The following NTRK3 variants were observed in gnomAD, a reference collection of about 807,000 sequenced individuals.
NTRK3 encodes the protein NT-3 growth factor receptor.
NTRK3 carries 24 observed loss-of-function variants against 91.7 expected under a neutral mutation model. That is an observed-to-expected ratio of 0.26 (90% confidence interval 0.19 to 0.37). The LOEUF (loss-of-function observed/expected upper bound fraction) is 0.37. Among genes scored for constraint, NTRK3 ranks in the 10% least tolerant of loss-of-function variants. The pLI, the probability that NTRK3 is intolerant of heterozygous loss-of-function variation, is 1.00. For synonymous variants in NTRK3, 483 were observed against 404.0 expected, an observed-to-expected ratio of 1.20 and a Z score of -2.34; for missense variants, 880 against 1,068.9, an observed-to-expected ratio of 0.82 and a Z score of 2.46.
chr15:88,087,765 C>A (rs2048639512), intron 13 of NTRK3, among the ~76,000 whole-genome samples: 1 of 152,182 alleles, frequency 6.6e-6, no homozygotes, highest in Non-Finnish European at 1.5e-5. Context: ...ATACTTCCAG[C>A]TGGCTGGGTG....
At chr15:88,211,893 T>C (rs1030356654) in intron 3 of NTRK3, among the ~76,000 whole-genome samples, 1 of 152,256 alleles carries the variant, frequency 6.6e-6, no homozygotes, top group Admixed American at 6.5e-5. Flanking sequence ...ATGAGTGGTT[T>C]TGTTTTTTCT....
intron 5 of NTRK3, among the ~76,000 whole-genome samples, chr15:88,162,385 G>T (rs564510469): frequency 2.0e-5 from 3 of 152,240 alleles, no homozygotes; most frequent in Admixed American, 6.5e-5. Context: ...AATTAATATT[G>T]CCAGTAAGGA....
intron 17 of NTRK3, among the ~76,000 whole-genome samples, chr15:87,915,443 A>G (rs189676387): frequency 6.6e-6 from 1 of 152,358 alleles, no homozygotes; most frequent in Non-Finnish European, 1.5e-5. Flanking sequence ...AGTTACAAAA[A>G]TTAGCTCCTG....
intron 14 of NTRK3, among the ~76,000 whole-genome samples, chr15:88,010,213 T>G (rs2076776797): frequency 6.6e-6 from 1 of 152,182 alleles, no homozygotes; most frequent in Non-Finnish European, 1.5e-5. Context: ...CTCTGTCTAC[T>G]CCTTCAGCCT....
intron 17 of NTRK3, among the ~76,000 whole-genome samples, chr15:87,906,654 A>T (rs1331344488): frequency 1.3e-5 from 2 of 152,218 alleles, no homozygotes; most frequent in Non-Finnish European, 2.9e-5. Flanking sequence ...TAGCTGAGTC[A>T]TGAAAGCCCT....
rs182887247 is a variant in NTRK3 at position 88,124,389 on chromosome 15, G to A, written c.1396+1882C>T. On this transcript the variant is annotated intron_variant, in intron 13 of 18. Coordinates refer to ENST00000394480, the Ensembl canonical transcript of NTRK3. ...ACCCTGGGTGCTGCCTAATCCATCCGACATGGGGACATGCTGTTCCAGAAA... is the reference window on the plus strand; with the variant it reads ...ACCCTGGGTGCTGCCTAATCCATCCAACATGGGGACATGCTGTTCCAGAAA... Among the ~76,000 whole-genome samples, 10 of 152,284 alleles carry A rather than the reference G, an allele frequency of 6.6e-5. No individual in the cohort carries two copies. The East Asian group carries it at 1.4e-3, about 21-fold the overall frequency.
chr15:88,248,067 G>A (rs2053010002), intron 3 of NTRK3, among the ~76,000 whole-genome samples: 1 of 152,210 alleles, frequency 6.6e-6, no homozygotes, highest in South Asian at 2.1e-4. Flanking sequence ...CGCTGGCCAT[G>A]AGCACCAGGG....
At chr15:88,071,984 C>A (rs2047123790) in intron 13 of NTRK3, among the ~76,000 whole-genome samples, 1 of 151,774 alleles carries the variant, frequency 6.6e-6, no homozygotes, top group East Asian at 1.9e-4. Context: ...TTCTCACAGA[C>A]CCCAGGCAAA....
In NTRK3 at chr15:87,949,998, C is replaced by T. The variant is rs1008540379; in HGVS notation, c.1586-9245G>A. Among the ~76,000 whole-genome samples, 7 of 152,186 alleles carry T rather than the reference C, an allele frequency of 4.6e-5. No homozygotes were observed. In the South Asian group the frequency reaches 8.3e-4, roughly 18 times the overall value. ...CTTCAAAGTGCCCATATGAGGGTCA[C>T]ATCCCACCTCTCAATCTCCCCAGAG... is the stretch of plus-strand genomic sequence containing the variant. On this transcript the variant is annotated intron_variant, in intron 14 of 18. Coordinates refer to ENST00000394480, the Ensembl canonical transcript of NTRK3.
chr15:88,106,704 GA>G (rs200712012), intron 13 of NTRK3, among the ~76,000 whole-genome samples: 5,501 of 152,154 alleles, frequency 0.036, 341 homozygotes, highest in African/African-American at 0.13. Flanking sequence ...GGCCAAGGGG[GA>G]ACGGATCATG....
intron 5 of NTRK3, among the ~76,000 whole-genome samples, chr15:88,157,313 C>T (rs1277353271): frequency 1.3e-5 from 2 of 152,028 alleles, no homozygotes; most frequent in Non-Finnish European, 2.9e-5. Context: ...CTCCGTCTGG[C>T]TCCACCAAGA....
At chr15:88,035,190 C>T (rs533499578) in intron 13 of NTRK3, among the ~76,000 whole-genome samples, 1 of 152,158 alleles carries the variant, frequency 6.6e-6, no homozygotes, top group African/African-American at 2.4e-5. Context: ...GGAATATTTG[C>T]AGGCAGCCAG....
chr15:88,236,540 T>C (rs1598108457), intron 3 of NTRK3, among the ~76,000 whole-genome samples: 1 of 103,260 alleles, frequency 9.7e-6, no homozygotes, highest in Admixed American at 9.6e-5. Flanking sequence ...AAAAAAAAAA[T>C]TGTAAAAAAG....
chr15:88,137,664 A>G, intron 6 of NTRK3, 103 bp from the exon 7 acceptor site: 2 of 1,127,968 alleles, frequency 1.8e-6, no homozygotes, highest in East Asian at 2.5e-5. Context: ...TCAGGGATTA[A>G]GGGGAGAAGG....
chr15:88,254,281 C>T (rs908031417), intron 3 of NTRK3, among the ~76,000 whole-genome samples: 2 of 152,168 alleles, frequency 1.3e-5, no homozygotes, highest in South Asian at 4.1e-4. Flanking sequence ...CACTCTGAAC[C>T]CTTCTCCCTG....
At chr15:87,887,481 T>C (rs555798801) in intron 17 of NTRK3, among the ~76,000 whole-genome samples, 61 of 152,308 alleles carry the variant, frequency 4.0e-4, no homozygotes, top group Non-Finnish European at 6.6e-4. Flanking sequence ...TAAAAACCCA[T>C]TGAGCATCGT....
At chr15:88,001,179 T>G (rs1449519738) in intron 14 of NTRK3, among the ~76,000 whole-genome samples, 1 of 152,190 alleles carries the variant, frequency 6.6e-6, no homozygotes, top group Non-Finnish European at 1.5e-5. Context: ...CATTTGCCCA[T>G]TTTTTATTGG....
At chr15:88,123,052 G>T (rs1377191412) in intron 13 of NTRK3, among the ~76,000 whole-genome samples, 1 of 152,128 alleles carries the variant, frequency 6.6e-6, no homozygotes, top group Non-Finnish European at 1.5e-5. Flanking sequence ...TAAATATTGT[G>T]CAGGACAAAA....
At chr15:87,987,777 G>T (rs112591702) in intron 14 of NTRK3, among the ~76,000 whole-genome samples, 16 of 151,718 alleles carry the variant, frequency 1.1e-4, no homozygotes, top group African/African-American at 3.6e-4. Context: ...TCAATGTCAG[G>T]ATATTACCTT....
Sources: gnomAD v4.1 joint callset for allele counts (sites outside exome capture counted in the v4.1 genomes callset) on GRCh38, gnomAD v4.1.1 for gene constraint, MANE v1.5 for transcripts, NCBI Gene and HGNC (gene_info 2026-07-23, HGNC 2026-07-21) for gene names.